TBC1D9B: variants seen among roughly 807,000 people sequenced by gnomAD.
The protein encoded by TBC1D9B is TBC1 domain family, member 9B (with GRAM domain).
A neutral mutation model predicts 121.1 loss-of-function variants in TBC1D9B; 87 were observed. That is an observed-to-expected ratio of 0.72 (90% CI 0.60 to 0.86). TBC1D9B has a LOEUF of 0.86. Ranked by LOEUF, TBC1D9B falls within the 40% of genes least tolerant of loss-of-function variation. TBC1D9B has a pLI of 0.00. For missense variants in TBC1D9B, 1,540 were observed against 1,628.6 expected, an observed-to-expected ratio of 0.95 and a Z score of 0.94; for synonymous variants, 668 against 670.1, an observed-to-expected ratio of 1.00 and a Z score of 0.05.
At chr5:179,870,758 A>T in intron 15 of TBC1D9B, 1 of 494,786 alleles carries the variant, frequency 2.0e-6, no homozygotes, top group Non-Finnish European at 3.6e-6. Flanking sequence ...GCCCCAGAGA[A>T]GGGCTGAGCC....
chr5:179,884,112 G>A (rs80306490), intron 7 of TBC1D9B, among the ~76,000 whole-genome samples: 7,349 of 152,074 alleles, frequency 0.048, 602 homozygotes, highest in African/African-American at 0.17. Flanking sequence ...TTCCTCAGCC[G>A]TATAATACGT....
At chr5:179,869,513 C>T (rs753156503) in intron 17 of TBC1D9B, 14 of 652,040 alleles carry the variant, frequency 2.1e-5, no homozygotes, top group South Asian at 4.5e-5. Context: ...GCTGCCTCCT[C>T]GGTGGGAGTT....
chr5:179,865,063 G>A lies in TBC1D9B; in HGVS notation c.3021+191C>T, dbSNP rs1195498058. Among the ~76,000 whole-genome samples, 1 of 152,212 alleles carries A rather than the reference G, an allele frequency of 6.6e-6. No homozygotes were observed. The highest frequency in any genetic ancestry group is 2.4e-5 in the African/African-American group (1 of 41,462). On this transcript the variant is annotated intron_variant, in intron 20 of 20. Coordinates refer to ENST00000355235, the MANE Select transcript of TBC1D9B (RefSeq NM_015043.4). This position sits in a 1 kb window ranked among gnomAD's most constrained non-coding sequence, Gnocchi z 5.1. ...ATCTGGAAACATGCCCCTATACAAG[G>A]CCCTGGAGCAACTGGCCTCTTGTCT...
rs114396982 is a variant in TBC1D9B at position 179,869,279 on chromosome 5, G to A, written c.2791+490C>T. On this transcript the variant is annotated intron_variant, in intron 17 of 20. Coordinates refer to ENST00000355235, the MANE Select transcript of TBC1D9B (RefSeq NM_015043.4). The stretch of plus-strand genomic sequence containing the variant: ...CATTGTCCATGCAGCCACTCCTGCT[G>A]AGCCCTGCCCCCTGCACAGACAGCC... 5.4e-3 allele frequency: 1,610 copies of A among 300,698 alleles called. 27 individuals carry two copies. Among genetic ancestry groups the A allele is most frequent in the African/African-American group, 0.033 (1,517 of 45,648 alleles). The allele number at this position is 300,698 out of a possible 1,614,324, so 18.6% of individuals were successfully genotyped here.
At position 179,862,725 on chromosome 5, in the gene TBC1D9B, T is replaced by C. The variant is rs1759880235; in HGVS notation, c.*723A>G. 6 of 398,712 alleles carry C rather than the reference T, an allele frequency of 1.5e-5. No individual in the cohort carries two copies. The highest frequency in any genetic ancestry group is 7.2e-4 in the Middle Eastern group (2 of 2,780). The allele number at this position is 398,712 out of a possible 1,614,324, so 24.7% of individuals were successfully genotyped here. On this transcript the variant is annotated 3_prime_UTR_variant, in exon 21 of 21. Coordinates refer to ENST00000355235, the MANE Select transcript of TBC1D9B (RefSeq NM_015043.4). ...AGTGGTTGGGGGCCACAGCAAGGCA[T>C]TGCACACAGTGGTTTTTATTTCTTT... is the stretch of plus-strand genomic sequence containing the variant.
chr5:179,881,273 G>A (rs534779481), intron 7 of TBC1D9B, among the ~76,000 whole-genome samples: 2 of 152,242 alleles, frequency 1.3e-5, no homozygotes, highest in East Asian at 3.9e-4. Flanking sequence ...CTTCCCCGAG[G>A]TAACCACCTC....
chr5:179,879,169 C>T lies in TBC1D9B; in HGVS notation c.1445G>A (p.Trp482Ter). 1.9e-6 allele frequency: 3 copies of T among 1,604,388 alleles called. No individual in the cohort carries two copies. The highest frequency in any genetic ancestry group is 1.3e-5 in the African/African-American group (1 of 75,050). ...GAKEKMKEESWHIHFFEYGRG... is the reference protein window; with the variant it reads ...GAKEKMKEES ...CCCGTACTCGAAGAAGTGGATGTGC[C>T]ATGACTCCTCTTTCATCTTCTCCTT... The change falls in exon 9 of 21, where the codon TGG becomes TAG. Residue 482 changes from tryptophan to a stop codon, truncating the protein, a stop_gained. Coordinates refer to ENST00000355235, the MANE Select transcript of TBC1D9B (RefSeq NM_015043.4). LOFTEE classifies it high-confidence loss of function.
At chr5:179,870,880 G>A (rs936747264) in intron 15 of TBC1D9B, among the ~76,000 whole-genome samples, 1 of 152,240 alleles carries the variant, frequency 6.6e-6, no homozygotes, top group Non-Finnish European at 1.5e-5. Context: ...GGGCCACAGC[G>A]CAGCAGCCAC....
intron 5 of TBC1D9B, among the ~76,000 whole-genome samples, chr5:179,892,181 G>A (rs1189033964): frequency 6.6e-6 from 1 of 152,244 alleles, no homozygotes; most frequent in East Asian, 1.9e-4. Flanking sequence ...CCTCCTGCCT[G>A]CCCTGGGCCG....
intron 2 of TBC1D9B, 83 bp from the exon 3 acceptor site, chr5:179,899,390 G>T: frequency 8.5e-7 from 1 of 1,180,880 alleles, no homozygotes; most frequent in Non-Finnish European, 1.2e-6. Flanking sequence ...AGATGAAAGT[G>T]GGTGACCTCA....
intron 7 of TBC1D9B, chr5:179,884,446 G>C (rs560158219): frequency 1.3e-5 from 2 of 152,142 alleles, no homozygotes; most frequent in Non-Finnish European, 2.9e-5. Flanking sequence ...ACAGTTGGTG[G>C]ATAGAGCATA....
chr5:179,870,555 C>G, intron 15 of TBC1D9B, 60 bp from the exon 16 acceptor site: 1 of 1,527,468 alleles, frequency 6.5e-7, no homozygotes, highest in South Asian at 1.2e-5. Context: ...GAGGGGACCC[C>G]TAGGCTGGTG....
chr5:179,873,045 C>G, intron 13 of TBC1D9B, 55 bp from the exon 14 acceptor site: 1 of 1,613,610 alleles, frequency 6.2e-7, no homozygotes, highest in Non-Finnish European at 8.5e-7. Context: ...AGAGGGCCAC[C>G]ACCTGCCCAT....
In TBC1D9B at chr5:179,907,841, G is replaced by C. The variant is rs530005553; in HGVS notation, c.-20C>G. ...CCACATCGCGGAGCCGCTCGCACCG[G>C]GCCGAGGCCCGCGAGACGGAAGCGC... On this transcript the variant is annotated 5_prime_UTR_variant, in exon 1 of 21. Transcript: ENST00000355235. This position sits in a 1 kb window ranked among gnomAD's most constrained non-coding sequence, Gnocchi z 5.3. The C allele has an allele frequency of 1.5e-5, 16 of 1,094,970 alleles. No individual in the cohort carries two copies. The highest frequency in any genetic ancestry group is 1.7e-5 in the African/African-American group (1 of 59,086). The allele number at this position is 1,094,970 out of a possible 1,614,324, so 67.8% of individuals were successfully genotyped here. A position where few individuals can be genotyped will look rare whatever the true frequency, so the allele number is the denominator to read the frequency against.
rs759021604 is a variant in TBC1D9B at position 179,879,711 on chromosome 5, C to A, written c.1333G>T (p.Ala445Ser). The A allele has an allele frequency of 6.2e-7, 1 of 1,614,188 alleles. No homozygotes were observed. The highest frequency in any genetic ancestry group is 8.5e-7 in the Non-Finnish European group (1 of 1,180,030). The change falls in exon 8 of 21, where the codon GCG (alanine) becomes TCG (serine). Residue 445 changes from alanine to serine, a missense_variant. Coordinates refer to ENST00000355235, the MANE Select transcript of TBC1D9B (RefSeq NM_015043.4). ...SPLSSRQSFC[A>S]QEAPTASQGL... ...TGGGATGCGGTTGGCGCCTCCTGCG[C>A]ACAGAAGCTCTGGCGGCTGCTGAGG... is the stretch of plus-strand genomic sequence containing the variant.
At position 179,862,811 on chromosome 5, in the gene TBC1D9B, G is replaced by A. The variant is rs1759883098; in HGVS notation, c.*637C>T. ...TCTAGCCAAGTGAAATGAATCCAAG[G>A]AAATATATCAGGACCTGAGGGATGT... On this transcript the variant is annotated 3_prime_UTR_variant, in exon 21 of 21. Coordinates refer to ENST00000355235, the MANE Select transcript of TBC1D9B (RefSeq NM_015043.4). 9 of 339,232 alleles carry A rather than the reference G, an allele frequency of 2.7e-5. No individual in the cohort carries two copies. The highest frequency in any genetic ancestry group is 1.7e-4 in the South Asian group (8 of 45,888). 21.0% of individuals were successfully genotyped at this position (339,232 alleles called of 1,614,324 possible).
In TBC1D9B at chr5:179,865,951, TG is replaced by T. The variant is rs757903726; in HGVS notation, c.2864-64del. ...TTCTGCTGTTGGGACTGCAAGCTCCTGGGGTCCTTGAGATGTAGTCTGTGTT... is the reference window on the plus strand; with the variant it reads ...TTCTGCTGTTGGGACTGCAAGCTCCTGGGTCCTTGAGATGTAGTCTGTGTT... On this transcript the variant is annotated intron_variant, in intron 18 of 20. Coordinates refer to ENST00000355235, the MANE Select transcript of TBC1D9B (RefSeq NM_015043.4). The surrounding 1 kb of genome is among the most constrained non-coding windows in gnomAD (Gnocchi z 5.1). 4 of 1,596,014 alleles carry T rather than the reference TG, an allele frequency of 2.5e-6. No homozygotes were observed. The highest frequency in any genetic ancestry group is 3.4e-6 in the Non-Finnish European group (4 of 1,164,008).
At chr5:179,886,528 C>G (rs1760690337) in intron 7 of TBC1D9B, among the ~76,000 whole-genome samples, 2 of 152,204 alleles carry the variant, frequency 1.3e-5, no homozygotes, top group African/African-American at 2.4e-5. Flanking sequence ...TTCTCCACAC[C>G]TTTCTTCATG....
chr5:179,878,224 C>G, intron 10 of TBC1D9B, 85 bp downstream of exon 10: 1 of 1,430,172 alleles, frequency 7.0e-7, no homozygotes, highest in Non-Finnish European at 9.5e-7. Flanking sequence ...GGCAGGGTCA[C>G]CACACAGGCC....
Sources: allele counts gnomAD v4.1 joint callset (sites outside exome capture counted in the v4.1 genomes callset), GRCh38; gene constraint gnomAD v4.1.1; non-coding constraint Gnocchi (gnomAD v3.1); transcripts MANE v1.5; gene names NCBI Gene and HGNC (gene_info 2026-07-23, HGNC 2026-07-21).